Variants in KCNQ5 observed in about 807,000 individuals in gnomAD.
KCNQ5 encodes the protein potassium voltage-gated channel subfamily Q member 5, also known as potassium voltage-gated channel subfamily KQT member 5.
A neutral mutation model predicts 98.2 loss-of-function variants in KCNQ5; 30 were observed. The observed-to-expected ratio is 0.31, with a 90% CI of 0.23 to 0.41. KCNQ5 has a LOEUF of 0.41. KCNQ5 is among the 10% of genes least tolerant of loss of function. The pLI is 1.00. For missense variants in KCNQ5, 835 were observed against 1,182.5 expected, an observed-to-expected ratio of 0.71 and a Z score of 4.31; for synonymous variants, 458 against 449.4, an observed-to-expected ratio of 1.02 and a Z score of -0.24.
chr6:72,905,807 G>T (rs1297320835), intron 1 of KCNQ5, among the ~76,000 whole-genome samples: 1 of 152,130 alleles, frequency 6.6e-6, no homozygotes, highest in African/African-American at 2.4e-5. Context: ...GTGTCAGGGG[G>T]GTGAAATGGA....
chr6:72,628,687 C>T (rs2098919237), intron 1 of KCNQ5, among the ~76,000 whole-genome samples: 1 of 152,074 alleles, frequency 6.6e-6, no homozygotes, highest in African/African-American at 2.4e-5. Context: ...TCAGCTCACT[C>T]CAACCTCAGC....
At chr6:72,653,444 A>C (rs146076921) in intron 1 of KCNQ5, among the ~76,000 whole-genome samples, 3 of 152,066 alleles carry the variant, frequency 2.0e-5, no homozygotes, top group Non-Finnish European at 4.4e-5. Flanking sequence ...ATAATGGTTG[A>C]TACCCAAAAG....
rs146350386 is a variant in KCNQ5, at chr6:73,170,333, G to A, written c.1577+479G>A. On this transcript the variant is annotated intron_variant, in intron 11 of 13. Transcript: ENST00000370398. ...ATCTGAAATGTAATTGTTAAAGGCT[G>A]ATCTTAATTTGCTTCCTCTACTGAT... Among the ~76,000 whole-genome samples, 49 of 152,042 alleles carry A rather than the reference G, an allele frequency of 3.2e-4. 1 individual carries two copies. The highest frequency in any genetic ancestry group is 1.2e-3 in the African/African-American group (49 of 41,488).
intron 1 of KCNQ5, among the ~76,000 whole-genome samples, chr6:72,844,892 A>C (rs939616596): frequency 2.6e-5 from 4 of 152,158 alleles, no homozygotes; most frequent in Non-Finnish European, 5.9e-5. Context: ...TTCCTTCGTA[A>C]ATTATAGCTC....
intron 1 of KCNQ5, among the ~76,000 whole-genome samples, chr6:72,843,937 G>A (rs76378087): frequency 0.17 from 26,296 of 151,974 alleles, 3,305 homozygotes; most frequent in African/African-American, 0.36. Context: ...GCTCTCACTC[G>A]TATGTGGGAG....
intron 1 of KCNQ5, among the ~76,000 whole-genome samples, chr6:72,737,113 A>G (rs966884431): frequency 6.6e-6 from 1 of 152,110 alleles, no homozygotes; most frequent in Non-Finnish European, 1.5e-5. Context: ...GGCATCTGCC[A>G]TCACGCCCGG....
intron 1 of KCNQ5, among the ~76,000 whole-genome samples, chr6:72,677,809 C>T (rs1166167557): frequency 6.6e-6 from 1 of 152,180 alleles, no homozygotes; most frequent in Non-Finnish European, 1.5e-5. Context: ...CAAATATCAA[C>T]ATACAAAGTT....
intron 1 of KCNQ5, among the ~76,000 whole-genome samples, chr6:72,841,038 C>G (rs1187758782): frequency 6.6e-6 from 1 of 152,154 alleles, no homozygotes; most frequent in Non-Finnish European, 1.5e-5. Context: ...GCTTTACCAC[C>G]ATGTTCTGAG....
chr6:73,065,378 T>TA lies in KCNQ5; in HGVS notation c.617-11943dup, dbSNP rs577112350. 2.6e-3 allele frequency among the ~76,000 whole-genome samples: 398 copies of TA among 152,316 alleles called. 1 individual carries two copies. The highest frequency in any genetic ancestry group is 3.5e-3 in the Admixed American group (53 of 15,296). ...CAATGTGCACCAAATCCAGCTCCTT[T>TA]ACAGCTCCTCCTGACTTTAACCTCA... On this transcript the variant is annotated intron_variant, in intron 3 of 13. Transcript: ENST00000370398.
At chr6:73,168,211 A>G (rs1364218458) in intron 10 of KCNQ5, among the ~76,000 whole-genome samples, 2 of 152,226 alleles carry the variant, frequency 1.3e-5, no homozygotes, top group Non-Finnish European at 2.9e-5. Flanking sequence ...CACAAACTGC[A>G]TTACAAATAT....
At chr6:73,001,999 C>CT (rs1769592386) in intron 1 of KCNQ5, among the ~76,000 whole-genome samples, 1 of 4,508 alleles carries the variant, frequency 2.2e-4, no homozygotes, top group Non-Finnish European at 4.6e-4. Flanking sequence ...TGGCCTGCGC[C>CT]TATAGTCCCA....
intron 11 of KCNQ5, among the ~76,000 whole-genome samples, chr6:73,183,870 C>G (rs1162408661): frequency 6.6e-6 from 1 of 152,234 alleles, no homozygotes; most frequent in East Asian, 1.9e-4. Flanking sequence ...GAGCATCCCT[C>G]ACACCTGGTC....
rs143082339 is a variant in KCNQ5, at chr6:72,981,574, G to A, written c.399-22334G>A. Among the ~76,000 whole-genome samples, 332 of 152,042 alleles carry A rather than the reference G, an allele frequency of 2.2e-3. 1 individual carries two copies. The highest frequency in any genetic ancestry group is 7.4e-3 in the African/African-American group (306 of 41,492). On this transcript the variant is annotated intron_variant, in intron 1 of 13. Coordinates refer to ENST00000370398, the MANE Select transcript of KCNQ5 (RefSeq NM_019842.4). ...CTCTTCTTTATTAGTCTTGCTAGTG[G>A]TCTATCAATTTTGTTGATCTTTTCA...
At chr6:72,632,882 G>A (rs2098921828) in intron 1 of KCNQ5, among the ~76,000 whole-genome samples, 2 of 152,032 alleles carry the variant, frequency 1.3e-5, no homozygotes, top group Admixed American at 1.3e-4. Flanking sequence ...GAGTAGCATG[G>A]CAATGAACAT....
At chr6:72,922,810 C>CTTTTTCTTTTTTTTTT (rs1554186016) in intron 1 of KCNQ5, among the ~76,000 whole-genome samples, 1 of 103,832 alleles carries the variant, frequency 9.6e-6, no homozygotes, top group African/African-American at 3.6e-5. Context: ...TTTTCTTTTT[C>CTTTTTCTTTTTTTTTT]TTTTTTTTTT....
chr6:72,945,361 T>A (rs1003360483), intron 1 of KCNQ5, among the ~76,000 whole-genome samples: 2 of 151,828 alleles, frequency 1.3e-5, no homozygotes, highest in African/African-American at 4.8e-5. Context: ...CAGTAACTCA[T>A]CATTTAACAT....
intron 1 of KCNQ5, among the ~76,000 whole-genome samples, chr6:72,981,195 C>T (rs1291742467): frequency 3.9e-5 from 6 of 152,228 alleles, no homozygotes; most frequent in African/African-American, 1.2e-4. Flanking sequence ...GGAGGATTCC[C>T]TCTTTTTCTA....
chr6:72,788,640 AT>A (rs1346817615), intron 1 of KCNQ5, among the ~76,000 whole-genome samples: 3 of 152,160 alleles, frequency 2.0e-5, no homozygotes, highest in Admixed American at 2.0e-4. Context: ...GTTTATAACA[AT>A]TTTTCAAATA....
At chr6:72,686,852 T>C (rs1767984427) in intron 1 of KCNQ5, among the ~76,000 whole-genome samples, 1 of 152,038 alleles carries the variant, frequency 6.6e-6, no homozygotes, top group South Asian at 2.1e-4. Context: ...ACTCAGGTGT[T>C]CTGTATCTGT....
Sources: allele counts gnomAD v4.1 joint callset (sites outside exome capture counted in the v4.1 genomes callset), GRCh38; gene constraint gnomAD v4.1.1; transcripts MANE v1.5; gene names NCBI Gene and HGNC (gene_info 2026-07-23, HGNC 2026-07-21).